Variants in AVEN observed in about 807,000 individuals in gnomAD.
AVEN encodes the protein cell death regulator Aven.
AVEN carries 41 observed loss-of-function variants against 38.1 expected under a neutral mutation model. The observed-to-expected ratio is 1.08, with a 90% CI of 0.84 to 1.40. The LOEUF (loss-of-function observed/expected upper bound fraction) is 1.40. Among genes scored for constraint, AVEN ranks in the 40% most tolerant of loss-of-function variants. The pLI is 0.00. For missense variants in AVEN, 605 were observed against 438.8 expected (o/e 1.38, Z -3.38); for synonymous variants, 206 against 171.8 (o/e 1.20, Z -1.56).
chr15:33,902,261 G>C (rs1892523407), intron 2 of AVEN, among the ~76,000 whole-genome samples: 1 of 151,900 alleles, frequency 6.6e-6, no homozygotes, highest in African/African-American at 2.4e-5. Context: ...TTTATTCCTG[G>C]TATGCATGGC....
chr15:33,904,414 T>C (rs1479029936), intron 2 of AVEN, among the ~76,000 whole-genome samples: 4 of 152,034 alleles, frequency 2.6e-5, no homozygotes, highest in African/African-American at 9.7e-5. Flanking sequence ...AGTAAGACTG[T>C]GTTTTGTTTT....
intron 1 of AVEN, among the ~76,000 whole-genome samples, chr15:34,026,298 TTTC>T (rs1460828810): frequency 1.3e-5 from 2 of 152,318 alleles, no homozygotes; most frequent in African/African-American, 2.4e-5. Flanking sequence ...GCACTTTTAT[TTTC>T]TTCTTGGTAT....
intron 5 of AVEN, among the ~76,000 whole-genome samples, chr15:34,049,143 T>C (rs540879637): frequency 1.3e-5 from 2 of 152,132 alleles, no homozygotes; most frequent in Non-Finnish European, 2.9e-5. Context: ...ACAGAGTGCG[T>C]CTCTGCCTCC....
At chr15:34,036,138 C>T (rs1232767972) in intron 1 of AVEN, among the ~76,000 whole-genome samples, 3 of 151,790 alleles carry the variant, frequency 2.0e-5, no homozygotes, top group Non-Finnish European at 4.4e-5. Context: ...GTATCTAGTA[C>T]AATAATGCTT....
intron 2 of AVEN, among the ~76,000 whole-genome samples, chr15:33,936,155 G>C (rs1012622803): frequency 2.0e-5 from 3 of 151,836 alleles, no homozygotes; most frequent in Admixed American, 6.6e-5. Context: ...AAACAACAAG[G>C]ATGGCCTCTA....
intron 2 of AVEN, among the ~76,000 whole-genome samples, chr15:33,950,656 A>T (rs1281817062): frequency 6.6e-6 from 1 of 152,142 alleles, no homozygotes; most frequent in Non-Finnish European, 1.5e-5. Flanking sequence ...AGGGAGGTAA[A>T]TAATTTTTAG....
At chr15:34,004,860 C>A (rs908449301) in intron 1 of AVEN, among the ~76,000 whole-genome samples, 1 of 151,966 alleles carries the variant, frequency 6.6e-6, no homozygotes, top group South Asian at 2.1e-4. Flanking sequence ...CATGTAGAAT[C>A]TAAAGACATG....
chr15:33,872,664 A>G (rs1891027788), intron 3 of AVEN, among the ~76,000 whole-genome samples: 1 of 152,008 alleles, frequency 6.6e-6, no homozygotes, highest in Non-Finnish European at 1.5e-5. Context: ...CAGCCAGTAT[A>G]TTGCCCAAGG....
chr15:33,864,047 C>T, downstream of AVEN: 1 of 917,576 alleles, frequency 1.1e-6, no homozygotes, highest in Non-Finnish European at 1.7e-6. Flanking sequence ...GTGGGACCAA[C>T]TAGCCTTTCT....
intron 1 of AVEN, among the ~76,000 whole-genome samples, chr15:34,073,989 C>CTTTTTTTTTTT (rs5811818): frequency 3.2e-4 from 10 of 31,470 alleles, no homozygotes; most frequent in African/African-American, 3.9e-4. Context: ...TCTTCTTCTT[C>CTTTTTTTTTTT]TTTTTTTTTT....
At chr15:33,974,929 A>G (rs1477874105) in intron 2 of AVEN, among the ~76,000 whole-genome samples, 1 of 152,144 alleles carries the variant, frequency 6.6e-6, no homozygotes, top group Non-Finnish European at 1.5e-5. Context: ...CCAAGATTGC[A>G]CCATTACGCT....
At chr15:33,993,192 C>T (rs962013494) in intron 2 of AVEN, among the ~76,000 whole-genome samples, 1 of 152,162 alleles carries the variant, frequency 6.6e-6, no homozygotes, top group South Asian at 2.1e-4. Context: ...TCTCATAGAT[C>T]TTACTTTTTA....
chr15:33,910,466 G>C (rs73379542), intron 2 of AVEN, among the ~76,000 whole-genome samples: 16,397 of 152,236 alleles, frequency 0.11, 1,673 homozygotes, highest in African/African-American at 0.26. Context: ...AAAAGTGTGT[G>C]GAAGAAATTG....
Position 34,069,149 on chromosome 15 carries a change from C to T in AVEN, n.784+1439G>A, listed in dbSNP as rs1285390493. Among the ~76,000 whole-genome samples, 13 of 149,704 alleles carry T rather than the reference C, an allele frequency of 8.7e-5. No individual in the cohort carries two copies. In the East Asian group the frequency reaches 2.2e-3, roughly 25 times the overall value. Reference sequence around the variant, plus strand: ...TTTTAAAAACAATTTCGGCTGGGCGCGGTGGCTCATGCCTGTAATCCCAAC... The same window carrying T: ...TTTTAAAAACAATTTCGGCTGGGCGTGGTGGCTCATGCCTGTAATCCCAAC... On this transcript the variant is annotated intron_variant and non_coding_transcript_variant, in intron 2 of 11. Transcript: ENST00000675287.
intron 11 of AVEN, chr15:33,859,457 T>C (rs2153012897): frequency 9.4e-7 from 1 of 1,063,214 alleles, no homozygotes; most frequent in East Asian, 2.4e-5. Context: ...CTCTGAAGAG[T>C]TCCCCTCTCG....
intron 2 of AVEN, among the ~76,000 whole-genome samples, chr15:33,888,328 G>A (rs995954545): frequency 6.6e-6 from 1 of 151,774 alleles, no homozygotes; most frequent in Non-Finnish European, 1.5e-5. Context: ...GCAGGGGGAA[G>A]GGGGGCATAG....
chr15:34,043,116 G>A (rs1359238549), upstream of AVEN, among the ~76,000 whole-genome samples: 2 of 151,818 alleles, frequency 1.3e-5, no homozygotes, highest in Non-Finnish European at 2.9e-5. Context: ...GCATGGTGAC[G>A]GGCGCCTGTA....
intron 1 of AVEN, among the ~76,000 whole-genome samples, chr15:34,020,548 C>T (rs1248021809): frequency 6.6e-6 from 1 of 152,214 alleles, no homozygotes; most frequent in African/African-American, 2.4e-5. Flanking sequence ...AGAACATCCC[C>T]TCTTCTCACA....
chr15:33,943,823 TAAAAA>T (rs71119905), intron 2 of AVEN, among the ~76,000 whole-genome samples: 1 of 88,874 alleles, frequency 1.1e-5, no homozygotes. Context: ...ACTCCGTCTT[TAAAAA>T]AAAAAAAAAA....
Sources: allele counts gnomAD v4.1 joint callset (sites outside exome capture counted in the v4.1 genomes callset), GRCh38; gene constraint gnomAD v4.1.1; transcripts MANE v1.5; gene names NCBI Gene and HGNC (gene_info 2026-07-23, HGNC 2026-07-21).